The following NPAS3 variants were observed in gnomAD, a reference collection of about 807,000 sequenced individuals.
NPAS3 encodes neuronal PAS domain-containing protein 3.
In NPAS3, 14 loss-of-function variants were observed where a neutral mutation model predicts 73.1. The observed-to-expected ratio is 0.19, with a 90% CI of 0.13 to 0.30. The LOEUF is 0.30. NPAS3 is among the 10% of genes least tolerant of loss of function. The probability of loss-of-function intolerance (pLI) is 1.00; values close to 1 mark genes in which losing one functional copy is unlikely to be tolerated. For missense variants in NPAS3, 1,096 were observed against 1,250.0 expected (o/e 0.88, Z 1.86); for synonymous variants, 620 against 541.5 (o/e 1.14, Z -2.01).
At chr14:33,723,364 T>C (rs1201976775) in intron 6 of NPAS3, among the ~76,000 whole-genome samples, 3 of 152,174 alleles carry the variant, frequency 2.0e-5, no homozygotes, top group Non-Finnish European at 2.9e-5. Flanking sequence ...GGATTCCCCA[T>C]TCAATTTGGA....
intron 1 of NPAS3, among the ~76,000 whole-genome samples, chr14:32,939,623 C>CAAAAAAAAAAA (rs752795909): frequency 1.8e-5 from 2 of 110,288 alleles, no homozygotes; most frequent in African/African-American, 3.6e-5. Context: ...GACTCACTGA[C>CAAAAAAAAAAA]AAAAAAAAAA....
intron 1 of NPAS3, among the ~76,000 whole-genome samples, chr14:32,956,635 A>G (rs2036681655): frequency 6.6e-6 from 1 of 152,136 alleles, no homozygotes. Context: ...CTTTCTCCAA[A>G]GTTTATAATC....
Position 33,800,212 on chromosome 14 carries a change from G to C in NPAS3, c.1905G>C (p.Arg635=). The stretch of plus-strand genomic sequence containing the variant: ...ACGCGGGCCTGGTGGAGCCCCCGCG[G>C]CTGCTGTCCTCCCCCAACAGTGCCT... The change falls in exon 12 of 12, where the codon CGG becomes CGC. Residue 635 remains arginine, a synonymous_variant. Coordinates refer to ENST00000356141, the Ensembl canonical transcript of NPAS3. This position sits in a 1 kb window ranked among gnomAD's most constrained non-coding sequence, Gnocchi z 6.5. 6.2e-7 allele frequency: 1 copy of C among 1,612,380 alleles called. No homozygotes were observed. Among genetic ancestry groups the C allele is most frequent in the Non-Finnish European group, 8.5e-7 (1 of 1,179,540 alleles).
intron 2 of NPAS3, among the ~76,000 whole-genome samples, chr14:33,187,467 C>T (rs2046019535): frequency 1.4e-5 from 2 of 145,412 alleles, no homozygotes; most frequent in Admixed American, 1.4e-4. Context: ...TCTTCTAATG[C>T]AAATTCTGAT....
At chr14:33,683,427 C>CA (rs1176606241) in intron 6 of NPAS3, among the ~76,000 whole-genome samples, 28,714 of 76,918 alleles carry the variant, frequency 0.37, 5,334 homozygotes, top group Non-Finnish European at 0.44. Flanking sequence ...TTCCTCATTT[C>CA]AAAAAAAAAA....
intron 1 of NPAS3, among the ~76,000 whole-genome samples, chr14:33,014,589 A>C (rs1224603527): frequency 6.6e-6 from 1 of 152,224 alleles, no homozygotes; most frequent in African/African-American, 2.4e-5. Context: ...AAAACTTAGG[A>C]TATTAAAATA....
chr14:33,072,830 C>T (rs1246599106), intron 2 of NPAS3, among the ~76,000 whole-genome samples: 2 of 152,122 alleles, frequency 1.3e-5, no homozygotes, highest in Non-Finnish European at 2.9e-5. Flanking sequence ...TCTAGTCTCT[C>T]TTTCTCTGGG....
At chr14:33,522,467 A>G (rs2053599268) in intron 4 of NPAS3, among the ~76,000 whole-genome samples, 1 of 149,908 alleles carries the variant, frequency 6.7e-6, no homozygotes, top group African/African-American at 2.4e-5. Flanking sequence ...TAGCAGGAAT[A>G]TTTTGAGTCA....
At chr14:33,608,331 T>C (rs2140034218) in intron 5 of NPAS3, among the ~76,000 whole-genome samples, 1 of 151,970 alleles carries the variant, frequency 6.6e-6, no homozygotes, top group South Asian at 2.1e-4. Context: ...TTGATTTTAG[T>C]ATTAGGCAAT....
intron 5 of NPAS3, among the ~76,000 whole-genome samples, chr14:33,667,496 T>A (rs938144696): frequency 5.3e-5 from 8 of 152,174 alleles, no homozygotes; most frequent in African/African-American, 1.9e-4. Context: ...CATTTTTTTC[T>A]ACTTGCCAGT....
At chr14:33,350,763 T>A (rs2045003999) in intron 3 of NPAS3, among the ~76,000 whole-genome samples, 1 of 152,204 alleles carries the variant, frequency 6.6e-6, no homozygotes, top group Non-Finnish European at 1.5e-5. Flanking sequence ...AATTTCAGAT[T>A]GACTAATTTA....
At chr14:33,242,520 A>G (rs1388125728) in intron 3 of NPAS3, among the ~76,000 whole-genome samples, 2 of 152,142 alleles carry the variant, frequency 1.3e-5, no homozygotes, top group Admixed American at 6.6e-5. Flanking sequence ...AAATGAGCTT[A>G]GTGAATCATT....
At chr14:33,500,795 C>T (rs896838840) in intron 4 of NPAS3, among the ~76,000 whole-genome samples, 4 of 151,868 alleles carry the variant, frequency 2.6e-5, no homozygotes, top group African/African-American at 9.7e-5. Context: ...GATCTCCAAA[C>T]ATGTTTTAAG....
At position 33,223,847 on chromosome 14, in the gene NPAS3, AT is replaced by A. The variant is rs141925341; in HGVS notation, c.385+8430del. Among the ~76,000 whole-genome samples the A allele has an allele frequency of 5.2e-4, 69 of 133,904 alleles. 1 individual carries two copies. The highest frequency in any genetic ancestry group is 4.0e-3 in the Middle Eastern group (1 of 248). 87.8% of individuals were successfully genotyped at this position (133,904 alleles called of 152,430 possible). On this transcript the variant is annotated intron_variant, in intron 3 of 11. Coordinates refer to ENST00000356141, the Ensembl canonical transcript of NPAS3. The stretch of plus-strand genomic sequence containing the variant: ...TCAAAAATGTATGGCAAAAAAAAAA[AT>A]TTTTTTTTGTTTGTATTTTCAATAT...
chr14:33,544,795 T>TAG (rs2054716923), intron 4 of NPAS3, among the ~76,000 whole-genome samples: 1 of 104,260 alleles, frequency 9.6e-6, no homozygotes, highest in African/African-American at 5.7e-5. Flanking sequence ...GTATTATATA[T>TAG]ATATATATAT....
chr14:33,207,541 T>C (rs1461928801), intron 2 of NPAS3, among the ~76,000 whole-genome samples: 2 of 152,206 alleles, frequency 1.3e-5, no homozygotes, highest in African/African-American at 4.8e-5. Flanking sequence ...CAAGAATTCT[T>C]TTTAATGTAT....
chr14:33,668,466 G>GA (rs1230235802), intron 5 of NPAS3, among the ~76,000 whole-genome samples: 1 of 150,478 alleles, frequency 6.6e-6, no homozygotes, highest in African/African-American at 2.5e-5. Context: ...AACACAAATG[G>GA]AAAAAATCAT....
At chr14:33,739,240 G>C (rs1008317735) in intron 7 of NPAS3, among the ~76,000 whole-genome samples, 3 of 152,172 alleles carry the variant, frequency 2.0e-5, no homozygotes, top group African/African-American at 7.2e-5. Flanking sequence ...TACTAAGGGA[G>C]GGAGGATGCA....
chr14:33,133,080 G>T (rs1450991837), intron 2 of NPAS3, among the ~76,000 whole-genome samples: 1 of 152,150 alleles, frequency 6.6e-6, no homozygotes. Context: ...TATGACTTAT[G>T]AAAGAAGACT....
Sources: gnomAD v4.1 joint callset for allele counts (sites outside exome capture counted in the v4.1 genomes callset) on GRCh38, gnomAD v4.1.1 for gene constraint, Gnocchi (gnomAD v3.1) non-coding constraint, MANE v1.5 for transcripts, NCBI Gene and HGNC (gene_info 2026-07-23, HGNC 2026-07-21) for gene names.